PRDM4: variants seen among roughly 807,000 people sequenced by gnomAD.
PRDM4 encodes PR domain zinc finger protein 4.
A neutral mutation model predicts 62.3 loss-of-function variants in PRDM4; 38 were observed. The observed-to-expected ratio is 0.61, with a 90% CI of 0.47 to 0.80. The LOEUF is 0.80. Among genes scored for constraint, PRDM4 ranks in the 30% least tolerant of loss-of-function variants. The probability of loss-of-function intolerance (pLI) is 0.00; values close to 1 mark genes in which losing one functional copy is unlikely to be tolerated. For missense variants in PRDM4, 858 were observed against 997.1 expected, an observed-to-expected ratio of 0.86 and a Z score of 1.88; for synonymous variants, 339 against 348.2, an observed-to-expected ratio of 0.97 and a Z score of 0.30.
intron 2 of PRDM4, among the ~76,000 whole-genome samples, chr12:107,757,439 A>G (rs1436790683): frequency 6.6e-6 from 1 of 152,224 alleles, no homozygotes; most frequent in East Asian, 1.9e-4. Flanking sequence ...CAGATTATCG[A>G]TGATGTGAAA....
At position 107,754,045 on chromosome 12, in the gene PRDM4, TA is replaced by T. The variant is rs1411605310; in HGVS notation, c.209del (p.Leu70Ter). 1 of 1,613,866 alleles carries T rather than the reference TA, an allele frequency of 6.2e-7. No homozygotes were observed. The highest frequency in any genetic ancestry group is 1.7e-5 in the Admixed American group (1 of 60,004). ...SLSSLPSALS[L>X]MLPMGIGDRG... ...GATCCCCAATACCCATTGGTAGCAT[TA>T]AAGACAGAGCAGAAGGCAGAGAGCT... On this transcript the variant is annotated frameshift_variant, in exon 4 of 12. Transcript: ENST00000228437. LOFTEE classifies it high-confidence loss of function.
chr12:107,745,815 A>G (rs535749833), intron 6 of PRDM4, among the ~76,000 whole-genome samples: 1 of 152,224 alleles, frequency 6.6e-6, no homozygotes, highest in Non-Finnish European at 1.5e-5. Flanking sequence ...GCCATGCTAA[A>G]TTCAAATATG....
At chr12:107,751,132 C>T (rs1890877990) in intron 5 of PRDM4, among the ~76,000 whole-genome samples, 1 of 152,226 alleles carries the variant, frequency 6.6e-6, no homozygotes, top group Non-Finnish European at 1.5e-5. Context: ...CAGGCACACA[C>T]TACCGCATGT....
At chr12:107,753,179 C>A (rs1385330744) in intron 4 of PRDM4, among the ~76,000 whole-genome samples, 1 of 152,072 alleles carries the variant, frequency 6.6e-6, no homozygotes, top group Non-Finnish European at 1.5e-5. Flanking sequence ...CGAGACCAGC[C>A]TCGGCAACAT....
At chr12:107,742,816 T>C (rs1160311151) in intron 8 of PRDM4, among the ~76,000 whole-genome samples, 1 of 148,626 alleles carries the variant, frequency 6.7e-6, no homozygotes, top group African/African-American at 2.5e-5. Context: ...CAGACTGGAA[T>C]GCAACAGCAC....
rs1890604326 is a variant in PRDM4 at position 107,744,018 on chromosome 12, G to A, written c.1395+525C>T. On this transcript the variant is annotated intron_variant, in intron 7 of 11. Transcript: ENST00000228437. ...AAATTCAGCTACTTGGGAGGCTGAG[G>A]TGGGAGAGTCACCTGAGCCCAGGAG... Among the ~76,000 whole-genome samples, 4 of 152,196 alleles carry A rather than the reference G, an allele frequency of 2.6e-5. No individual in the cohort carries two copies. In the South Asian group the frequency reaches 6.2e-4, roughly 24 times the overall value.
In PRDM4 at chr12:107,752,026, G is replaced by T; in HGVS notation, c.515C>A (p.Thr172Lys). Residue 172 changes from threonine to lysine, a missense_variant, in exon 5 of 12, where the codon ACA (threonine) becomes AAA (lysine). Physicochemically the swap from Thr to Lys is moderately conservative, Grantham distance 78. Around this residue, in one of 3 missense-constraint regions of PRDM4, gnomAD observed 499 missense variants for 546.7 expected, o/e 0.91. Transcript: ENST00000228437. ...IVSIDSRSVN[T>K]HGAQSLHPSD... Reference sequence around the variant, plus strand: ...GGGATGAAGACTTTGGGCACCATGTGTGTTCACAGAGCGAGAGTCTATTGA... The same window carrying T: ...GGGATGAAGACTTTGGGCACCATGTTTGTTCACAGAGCGAGAGTCTATTGA... 6.2e-7 allele frequency: 1 copy of T among 1,614,132 alleles called. No individual in the cohort carries two copies. Among genetic ancestry groups the T allele is most frequent in the East Asian group, 2.2e-5 (1 of 44,884 alleles).
In PRDM4 at chr12:107,742,468, G is replaced by A. The variant is rs1294457096; in HGVS notation, c.1482-120C>T. 7 of 1,203,750 alleles carry A rather than the reference G, an allele frequency of 5.8e-6. No individual in the cohort carries two copies. In the East Asian group the frequency reaches 1.7e-4, roughly 29 times the overall value. The allele number at this position is 1,203,750 out of a possible 1,614,324, so 74.6% of individuals were successfully genotyped here. On this transcript the variant is annotated intron_variant, in intron 8 of 11. Coordinates refer to ENST00000228437, the MANE Select transcript of PRDM4 (RefSeq NM_012406.4). ...GGCAGAACTATTTACTATTTCCTCT[G>A]GAATGTTTTTGTAATTTCCCGTCCT...
At chr12:107,738,650 A>C (rs2136309497) in intron 11 of PRDM4, among the ~76,000 whole-genome samples, 1 of 152,292 alleles carries the variant, frequency 6.6e-6, no homozygotes, top group East Asian at 1.9e-4. Flanking sequence ...TTCATGCAAT[A>C]AATACCTAAT....
chr12:107,744,121 A>C (rs1452129637), intron 7 of PRDM4, among the ~76,000 whole-genome samples: 1 of 132,470 alleles, frequency 7.5e-6, no homozygotes, highest in Non-Finnish European at 1.7e-5. Context: ...CTCAAGGAAG[A>C]AAAAAAAAGA....
Position 107,741,067 on chromosome 12 carries a change from A to T in PRDM4, c.1803T>A (p.Ser601=). 6.2e-7 allele frequency: 1 copy of T among 1,614,150 alleles called. No homozygotes were observed. The highest frequency in any genetic ancestry group is 8.5e-7 in the Non-Finnish European group (1 of 1,180,028). ...KCSMCPQAFI[S]PSKLHVHFMG... ...TAAAGTGGACATGAAGTTTGGAAGG[A>T]GAGATAAAAGCTTGGGGGCACATTG... Residue 601 remains serine, a synonymous_variant, in exon 10 of 12, where the codon TCT becomes TCA. Coordinates refer to ENST00000228437, the MANE Select transcript of PRDM4 (RefSeq NM_012406.4).
At chr12:107,745,522 TACTCCGTATGTTAGGCC>T (rs1890671511) in intron 6 of PRDM4, among the ~76,000 whole-genome samples, 1 of 151,794 alleles carries the variant, frequency 6.6e-6, no homozygotes, top group East Asian at 1.9e-4. Context: ...CGAGTTACTG[TACTCCGTATGTTAGGCC>T]AGTGCACTCC....
intron 10 of PRDM4, among the ~76,000 whole-genome samples, chr12:107,740,495 A>T (rs559963216): frequency 7.3e-5 from 11 of 150,736 alleles, no homozygotes; most frequent in East Asian, 3.9e-4. Flanking sequence ...TCAAAAAAAA[A>T]TTTTTTTTTT....
In PRDM4 at chr12:107,760,712, G is replaced by C. The variant is rs1224981177; in HGVS notation, c.-197C>G. 3 of 608,944 alleles carry C rather than the reference G, an allele frequency of 4.9e-6. No homozygotes were observed. Among genetic ancestry groups the C allele is most frequent in the Non-Finnish European group, 8.5e-6 (3 of 351,756 alleles). 37.7% of individuals were successfully genotyped at this position (608,944 alleles called of 1,614,324 possible). On this transcript the variant is annotated 5_prime_UTR_variant, in exon 2 of 12. Transcript: ENST00000228437. ...GCCGTGCACCCCGCCACGGGTTGGG[G>C]CATCTCGGGGAACACCTGGGGCCTT...
Position 107,751,935 on chromosome 12 carries a change from G to A in PRDM4, c.606C>T (p.Ser202=). The change falls in exon 5 of 12, where the codon AGC becomes AGT. Residue 202 remains serine (S), a synonymous_variant. Transcript: ENST00000228437. ...CTGCCATTCCATCTGTCGAAATTGG[G>A]CTGGTAACCCTAGAAACGTTCTCCA... ...ITMENVSRVT[S]PISTDGMAEE... 6.2e-7 allele frequency: 1 copy of A among 1,614,210 alleles called. No individual in the cohort carries two copies. The highest frequency in any genetic ancestry group is 8.5e-7 in the Non-Finnish European group (1 of 1,180,044).
At chr12:107,740,832 T>C in intron 10 of PRDM4, 114 bp downstream of exon 10, 2 of 1,120,448 alleles carry the variant, frequency 1.8e-6, no homozygotes, top group Non-Finnish European at 2.5e-6. Context: ...ACCACGAAGG[T>C]TTCTTTCTCT....
rs939221586 is a variant in PRDM4 at position 107,739,383 on chromosome 12, TGA to T, written c.2091_2092del (p.Gln698ArgfsTer10). Reference sequence around the variant, plus strand: ...ACGTCTTGGCTGCAGGGTAACTTACTGAGTGTGGATGAGCACGTGCTGCTTGA... The same window carrying T: ...ACGTCTTGGCTGCAGGGTAACTTACTGTGTGGATGAGCACGTGCTGCTTGA... On this transcript the variant is annotated frameshift_variant and splice_region_variant, in exon 11 of 12. Coordinates refer to ENST00000228437, the MANE Select transcript of PRDM4 (RefSeq NM_012406.4). LOFTEE classifies it high-confidence loss of function. 1 of 1,612,688 alleles carries T rather than the reference TGA, an allele frequency of 6.2e-7. No individual in the cohort carries two copies. The highest frequency in any genetic ancestry group is 1.3e-5 in the African/African-American group (1 of 75,022).
chr12:107,734,510 G>C lies in PRDM4; in HGVS notation c.2106C>G (p.Ile702Met). Residue 702 changes from isoleucine to methionine, a missense_variant, in exon 12 of 12, where the codon ATC becomes ATG. Ile to Met is a conservative substitution (Grantham distance 10, BLOSUM62 1). Transcript: ENST00000228437. ...ACAGCTTATCACACTTGGGACACTT[G>C]ATCTGGCGTTCTCTAAGAGGAACAC... ...HVLIHTQERQ[I>M]KCPKCDKLFL... 6.2e-7 allele frequency: 1 copy of C among 1,610,894 alleles called. No homozygotes were observed. The highest frequency in any genetic ancestry group is 8.5e-7 in the Non-Finnish European group (1 of 1,177,816).
intron 11 of PRDM4, 43 bp downstream of exon 11, chr12:107,739,340 C>A (rs767063173): frequency 6.3e-7 from 1 of 1,592,866 alleles, no homozygotes; most frequent in South Asian, 1.2e-5. Context: ...CACACAAAGG[C>A]TCACCACCTG....
Sources: allele counts gnomAD v4.1 joint callset (sites outside exome capture counted in the v4.1 genomes callset), GRCh38; gene constraint gnomAD v4.1.1; regional missense constraint gnomAD v4.1.1; transcripts MANE v1.5; gene names NCBI Gene and HGNC (gene_info 2026-07-23, HGNC 2026-07-21).